The following SCG5 variants were observed in gnomAD, a reference collection of about 807,000 sequenced individuals.
SCG5 encodes the protein secretogranin V.
Under a neutral mutation model 25.7 loss-of-function variants are expected in SCG5, and 18 were observed. That is an observed-to-expected ratio of 0.70 (90% CI 0.48 to 1.04). The LOEUF is 1.04. Among genes scored for constraint, SCG5 ranks in the 50% least tolerant of loss-of-function variants. SCG5 has a pLI of 0.00. For synonymous variants in SCG5, 101 were observed against 91.7 expected (o/e 1.10, Z -0.58); for missense variants, 206 against 259.8 (o/e 0.79, Z 1.42).
chr15:32,646,060 C>T (rs1325785960), intron 2 of SCG5, among the ~76,000 whole-genome samples: 1 of 152,060 alleles, frequency 6.6e-6, no homozygotes, highest in Non-Finnish European at 1.5e-5. Flanking sequence ...CATGATCCGC[C>T]TGCCTCGGCC....
At chr15:32,677,328 A>AT (rs1174175567) in intron 2 of SCG5, among the ~76,000 whole-genome samples, 1 of 152,248 alleles carries the variant, frequency 6.6e-6, no homozygotes, top group Non-Finnish European at 1.5e-5. Flanking sequence ...TTAAACTTTA[A>AT]TCAACACAGC....
intron 2 of SCG5, among the ~76,000 whole-genome samples, chr15:32,657,357 A>C (rs918160196): frequency 6.6e-6 from 1 of 150,450 alleles, no homozygotes; most frequent in Non-Finnish European, 1.5e-5. Flanking sequence ...CCTGGCCTTA[A>C]GTGCTCTGCT....
intron 2 of SCG5, among the ~76,000 whole-genome samples, chr15:32,649,694 C>T (rs142161928): frequency 3.3e-3 from 499 of 152,016 alleles, no homozygotes; most frequent in African/African-American, 0.011. Flanking sequence ...GCCTTAAAAA[C>T]AGCTTGGTAA....
chr15:32,688,185 A>G (rs1001484292), intron 4 of SCG5, among the ~76,000 whole-genome samples: 5 of 152,158 alleles, frequency 3.3e-5, no homozygotes, highest in African/African-American at 4.8e-5. Context: ...AGTCCTATTG[A>G]GTCCTACCGA....
Position 32,661,806 on chromosome 15 carries a change from T to G in SCG5, c.227-17960T>G, listed in dbSNP as rs1595798353. 2.0e-5 allele frequency among the ~76,000 whole-genome samples: 3 copies of G among 152,320 alleles called. No homozygotes were observed. In the East Asian group the frequency reaches 5.8e-4, roughly 29 times the overall value. On this transcript the variant is annotated intron_variant, in intron 2 of 5. Transcript: ENST00000300175. The stretch of plus-strand genomic sequence containing the variant: ...TGGATAACTTATGTTTCAGTATTTT[T>G]TCTTATGAAGATAATAAAAGCTGTC...
intron 2 of SCG5, among the ~76,000 whole-genome samples, chr15:32,670,893 T>C (rs2054411064): frequency 1.3e-5 from 2 of 152,350 alleles, no homozygotes; most frequent in South Asian, 2.1e-4. Flanking sequence ...AGGACCATGA[T>C]CACCACAATG....
At chr15:32,696,148 T>C (rs1220492602) in intron 5 of SCG5, among the ~76,000 whole-genome samples, 2 of 152,078 alleles carry the variant, frequency 1.3e-5, no homozygotes, top group East Asian at 1.9e-4. Flanking sequence ...GACAAAATCT[T>C]GCTCTGTCGC....
chr15:32,677,303 A>G (rs1174110473), intron 2 of SCG5, among the ~76,000 whole-genome samples: 1 of 152,204 alleles, frequency 6.6e-6, no homozygotes, highest in Non-Finnish European at 1.5e-5. Flanking sequence ...CAGAGGTAAG[A>G]TTGTCCTTTT....
At chr15:32,669,841 G>A (rs1034926370) in intron 2 of SCG5, among the ~76,000 whole-genome samples, 1 of 149,380 alleles carries the variant, frequency 6.7e-6, no homozygotes, top group Non-Finnish European at 1.5e-5. Context: ...TTGCAAATGA[G>A]TAAACAGCCA....
chr15:32,696,867 C>G lies in SCG5; in HGVS notation c.*258C>G. On this transcript the variant is annotated 3_prime_UTR_variant, in exon 6 of 6. Coordinates refer to ENST00000300175, the MANE Select transcript of SCG5 (RefSeq NM_001144757.3). ...ATCATAAAAATTAAAATGTGAATGT[C>G]AACAATAAAAAGCAAGACTATGAAA... The G allele has an allele frequency of 2.9e-6, 1 of 343,548 alleles. No individual in the cohort carries two copies. The highest frequency in any genetic ancestry group is 5.3e-6 in the Non-Finnish European group (1 of 187,614). The allele number at this position is 343,548 out of a possible 1,614,324, so 21.3% of individuals were successfully genotyped here.
At chr15:32,663,489 C>T (rs1176058869) in intron 2 of SCG5, among the ~76,000 whole-genome samples, 4 of 152,132 alleles carry the variant, frequency 2.6e-5, no homozygotes, top group Admixed American at 1.3e-4. Context: ...TGGCAGGAGG[C>T]ATCAGGGTAT....
chr15:32,670,108 C>G (rs2054394484), intron 2 of SCG5, among the ~76,000 whole-genome samples: 1 of 152,078 alleles, frequency 6.6e-6, no homozygotes, highest in Non-Finnish European at 1.5e-5. Flanking sequence ...CCCCAAGGAG[C>G]CTGAGTTTTT....
intron 1 of SCG5, among the ~76,000 whole-genome samples, 176 bp downstream of exon 1, chr15:32,641,954 G>A (rs1239000472): frequency 6.6e-6 from 1 of 152,112 alleles, no homozygotes; most frequent in African/African-American, 2.4e-5. Context: ...ACTGAGGGAG[G>A]AGATTGTGTA....
intron 4 of SCG5, among the ~76,000 whole-genome samples, chr15:32,685,094 C>T (rs2054684414): frequency 6.6e-6 from 1 of 152,046 alleles, no homozygotes; most frequent in African/African-American, 2.4e-5. Context: ...AATAAAGATG[C>T]CAGAGCTTAG....
chr15:32,643,559 A>G lies in SCG5; in HGVS notation c.-7-27A>G, dbSNP rs370104815. On this transcript the variant is annotated intron_variant, in intron 1 of 5. Coordinates refer to ENST00000300175, the MANE Select transcript of SCG5 (RefSeq NM_001144757.3). ...TCACAATTGCCGATTGTAGCCTATC[A>G]GTATACATTTGGTCTTTTATCTGCA... 5.7e-5 allele frequency: 85 copies of G among 1,500,050 alleles called. No homozygotes were observed. In the South Asian group the frequency reaches 7.0e-4, roughly 12 times the overall value. The allele number at this position is 1,500,050 out of a possible 1,614,324, so 92.9% of individuals were successfully genotyped here.
chr15:32,653,738 C>A (rs2054070136), intron 2 of SCG5, among the ~76,000 whole-genome samples: 1 of 152,168 alleles, frequency 6.6e-6, no homozygotes, highest in South Asian at 2.1e-4. Context: ...TAGATGAAGT[C>A]CACCCGTATT....
chr15:32,695,937 T>C (rs7494781), intron 5 of SCG5, among the ~76,000 whole-genome samples: 121,938 of 152,002 alleles, frequency 0.8, 50,042 homozygotes, highest in Non-Finnish European at 0.91. Context: ...GACCACATTG[T>C]ATCTGATAAA....
At chr15:32,649,636 C>CA (rs2054001680) in intron 2 of SCG5, among the ~76,000 whole-genome samples, 1 of 151,892 alleles carries the variant, frequency 6.6e-6, no homozygotes, top group Non-Finnish European at 1.5e-5. Context: ...AAGCATTTGC[C>CA]AAAACATCCA....
chr15:32,644,282 G>C (rs1238614666), intron 2 of SCG5, among the ~76,000 whole-genome samples: 1 of 152,182 alleles, frequency 6.6e-6, no homozygotes, highest in Non-Finnish European at 1.5e-5. Context: ...TTGTAAAAGA[G>C]CTTCAAAATG....
Sources: allele counts gnomAD v4.1 joint callset (sites outside exome capture counted in the v4.1 genomes callset), GRCh38; gene constraint gnomAD v4.1.1; transcripts MANE v1.5; gene names NCBI Gene and HGNC (gene_info 2026-07-23, HGNC 2026-07-21).